Variants in ERBB4 observed in about 807,000 individuals in gnomAD.
ERBB4 encodes the protein erb-b2 receptor tyrosine kinase 4.
A neutral mutation model predicts 158.0 loss-of-function variants in ERBB4; 42 were observed. The ratio of observed to expected loss-of-function variants is 0.27; its 90% CI spans 0.21 to 0.34. ERBB4 has a LOEUF of 0.34. ERBB4 is among the 10% of genes least tolerant of loss of function. The pLI is 1.00. For synonymous variants in ERBB4, 583 were observed against 558.7 expected (o/e 1.04, Z -0.61); for missense variants, 1,333 against 1,624.1 (o/e 0.82, Z 3.08).
At chr2:212,244,707 A>C (rs908149485) in intron 1 of ERBB4, among the ~76,000 whole-genome samples, 1 of 152,138 alleles carries the variant, frequency 6.6e-6, no homozygotes, top group Non-Finnish European at 1.5e-5. Context: ...CAAAGAAAAT[A>C]TCTTTTCAGA....
rs2081459295 is a variant in ERBB4, at chr2:212,169,810, T to C, written c.83-44907A>G. Among the ~76,000 whole-genome samples the C allele has an allele frequency of 3.9e-5, 6 of 152,298 alleles. No homozygotes were observed. The South Asian group carries it at 1.2e-3, about 32-fold the overall frequency. The stretch of plus-strand genomic sequence containing the variant: ...TTATCAAGAGTTTGATGGTTTCTCC[T>C]TCACACAGCTCTCTCTCACCTGCTG... On this transcript the variant is annotated intron_variant, in intron 1 of 27. Transcript: ENST00000342788.
intron 2 of ERBB4, among the ~76,000 whole-genome samples, chr2:212,117,927 A>G (rs573966508): frequency 6.6e-6 from 1 of 152,202 alleles, no homozygotes; most frequent in Non-Finnish European, 1.5e-5. Flanking sequence ...CAAACTATTC[A>G]GTAAATCATT....
chr2:211,921,362 G>T (rs2079853318), intron 3 of ERBB4, among the ~76,000 whole-genome samples: 1 of 152,000 alleles, frequency 6.6e-6, no homozygotes, highest in Admixed American at 6.6e-5. Flanking sequence ...TATCTGAAGA[G>T]TATAAGCTGA....
At chr2:212,024,860 G>A (rs1215434268) in intron 2 of ERBB4, among the ~76,000 whole-genome samples, 1 of 151,830 alleles carries the variant, frequency 6.6e-6, no homozygotes, top group African/African-American at 2.4e-5. Flanking sequence ...ATATCAAAAT[G>A]TAGTAACCAA....
intron 1 of ERBB4, among the ~76,000 whole-genome samples, chr2:212,289,031 G>A (rs1462035485): frequency 6.6e-6 from 1 of 151,962 alleles, no homozygotes; most frequent in Non-Finnish European, 1.5e-5. Context: ...AGGAGACTGA[G>A]AAAAAGAAAC....
At chr2:212,376,055 AT>A (rs2090309493) in intron 1 of ERBB4, among the ~76,000 whole-genome samples, 2 of 152,162 alleles carry the variant, frequency 1.3e-5, no homozygotes, top group South Asian at 4.1e-4. Flanking sequence ...AAGACCAATG[AT>A]TGACAGTAGA....
chr2:212,032,028 G>A (rs2076915330), intron 2 of ERBB4, among the ~76,000 whole-genome samples: 1 of 152,056 alleles, frequency 6.6e-6, no homozygotes, highest in African/African-American at 2.4e-5. Context: ...ACTCTGCCAA[G>A]TATATTAATA....
At chr2:212,443,197 C>T (rs749352229) in intron 1 of ERBB4, among the ~76,000 whole-genome samples, 1 of 152,192 alleles carries the variant, frequency 6.6e-6, no homozygotes, top group Non-Finnish European at 1.5e-5. Context: ...ATCAATTCTC[C>T]CGCTTTGTGT....
intron 1 of ERBB4, among the ~76,000 whole-genome samples, chr2:212,404,356 GTAATC>G (rs2091287999): frequency 6.6e-6 from 1 of 151,994 alleles, no homozygotes; most frequent in African/African-American, 2.4e-5. Flanking sequence ...CCAGGCAGAA[GTAATC>G]ACTCTTCCCG....
chr2:211,812,205 G>A (rs1282143314), intron 3 of ERBB4, among the ~76,000 whole-genome samples: 1 of 152,106 alleles, frequency 6.6e-6, no homozygotes, highest in African/African-American at 2.4e-5. Context: ...TTACAGATGG[G>A]GTTTTGGTGT....
intron 1 of ERBB4, among the ~76,000 whole-genome samples, chr2:212,537,433 G>A (rs918634411): frequency 1.3e-5 from 2 of 152,118 alleles, no homozygotes; most frequent in Admixed American, 6.5e-5. Context: ...TTGCACTGCA[G>A]GTGCTGTCAT....
intron 2 of ERBB4, among the ~76,000 whole-genome samples, chr2:212,091,680 A>G (rs948841134): frequency 3.3e-5 from 5 of 152,180 alleles, no homozygotes; most frequent in African/African-American, 1.2e-4. Context: ...CTATTTGTAT[A>G]TGTATAGTGA....
At chr2:212,391,025 A>G (rs1253981875) in intron 1 of ERBB4, among the ~76,000 whole-genome samples, 1 of 151,804 alleles carries the variant, frequency 6.6e-6, no homozygotes, top group African/African-American at 2.4e-5. Context: ...GTGAGATAGC[A>G]TATAACCTCA....
At chr2:212,410,389 A>G (rs6712295) in intron 1 of ERBB4, among the ~76,000 whole-genome samples, 31,694 of 151,944 alleles carry the variant, frequency 0.21, 3,525 homozygotes, top group Non-Finnish European at 0.24. Context: ...ATCATTCTGA[A>G]GACAAATTTA....
intron 1 of ERBB4, among the ~76,000 whole-genome samples, chr2:212,515,521 C>A (rs1691774135): frequency 6.6e-6 from 1 of 151,532 alleles, no homozygotes; most frequent in African/African-American, 2.4e-5. Flanking sequence ...ATTTTAAAAT[C>A]AATTAAATTA....
At chr2:211,763,890 G>A (rs1159950887) in intron 4 of ERBB4, among the ~76,000 whole-genome samples, 8 of 40,974 alleles carry the variant, frequency 2.0e-4, no homozygotes, top group African/African-American at 7.5e-4. Context: ...TTAGCTGTGC[G>A]TGTGTATACA....
intron 16 of ERBB4, among the ~76,000 whole-genome samples, chr2:211,634,781 G>T (rs2070295086): frequency 6.6e-6 from 1 of 152,162 alleles, no homozygotes. Flanking sequence ...AGGTTCAAGT[G>T]ATTCTCCTGC....
At position 211,904,168 on chromosome 2, in the gene ERBB4, C is replaced by T. The variant is rs149992872; in HGVS notation, c.421+43262G>A. The stretch of plus-strand genomic sequence containing the variant: ...AGCTGGATTCAGTCTGATGCAGGTG[C>T]ATGTTTAGCAGCTGTGAAAGCAACA... On this transcript the variant is annotated intron_variant, in intron 3 of 27. Transcript: ENST00000342788. 8.9e-4 allele frequency among the ~76,000 whole-genome samples: 135 copies of T among 152,174 alleles called. 1 individual carries two copies. The highest frequency in any genetic ancestry group is 1.4e-3 in the Non-Finnish European group (97 of 67,964).
At chr2:212,366,331 T>C (rs1348831873) in intron 1 of ERBB4, among the ~76,000 whole-genome samples, 1 of 151,960 alleles carries the variant, frequency 6.6e-6, no homozygotes, top group Non-Finnish European at 1.5e-5. Context: ...AAAACTACAG[T>C]GAATTAAAAT....
Sources: allele counts gnomAD v4.1 joint callset (sites outside exome capture counted in the v4.1 genomes callset), GRCh38; gene constraint gnomAD v4.1.1; transcripts MANE v1.5; gene names NCBI Gene and HGNC (gene_info 2026-07-23, HGNC 2026-07-21).